CRYBA4: variants seen among roughly 807,000 people sequenced by gnomAD.
CRYBA4 encodes crystallin beta A4, also known as beta-crystallin A4.
In CRYBA4, 30 loss-of-function variants were observed where a neutral mutation model predicts 31.7. The ratio of observed to expected loss-of-function variants is 0.95; its 90% CI spans 0.71 to 1.28. The LOEUF is 1.28. Among genes scored for constraint, CRYBA4 ranks in the 50% most tolerant of loss-of-function variants. The pLI is 0.00. For synonymous variants in CRYBA4, 102 were observed against 102.3 expected, an observed-to-expected ratio of 1.00 and a Z score of 0.02; for missense variants, 225 against 260.7, an observed-to-expected ratio of 0.86 and a Z score of 0.94.
At chr22:26,617,634 C>T (rs1373550948), upstream of CRYBA4, among the ~76,000 whole-genome samples, 1 of 151,964 alleles carries the variant, frequency 6.6e-6, no homozygotes, top group Non-Finnish European at 1.5e-5. Flanking sequence ...CTGTCTTTGC[C>T]TCTCTATCTG....
chr22:26,607,032 T>C, the CRYBA4 span, among the ~76,000 whole-genome samples: 5 of 149,262 alleles, frequency 3.3e-5, no homozygotes, highest in African/African-American at 5.0e-5. Flanking sequence ...TTTTTTTTTT[T>C]TTTTTTTTGA....
upstream of CRYBA4, among the ~76,000 whole-genome samples, chr22:26,617,796 C>T (rs369210361): frequency 2.9e-4 from 44 of 152,004 alleles, 1 homozygote; most frequent in East Asian, 3.9e-3. Flanking sequence ...CTATTTCTGT[C>T]TTTTCTCACT....
intron 4 of CRYBA4, among the ~76,000 whole-genome samples, chr22:26,627,412 C>CTTTCT (rs1569211731): frequency 2.5e-5 from 2 of 79,016 alleles, no homozygotes; most frequent in Non-Finnish European, 4.2e-5. Context: ...TTCTTTCTTT[C>CTTTCT]TTTCTTTCTT....
At chr22:26,607,636 C>G in the CRYBA4 span, among the ~76,000 whole-genome samples, 2 of 150,862 alleles carry the variant, frequency 1.3e-5, no homozygotes, top group Non-Finnish European at 2.9e-5. Context: ...AAGGAAGATG[C>G]TGAAGTTTTT....
At chr22:26,599,596 T>C in the CRYBA4 span, 1 of 1,614,138 alleles carries the variant, frequency 6.2e-7, no homozygotes, top group Non-Finnish European at 8.5e-7. Flanking sequence ...GGCTCCCCAC[T>C]CATTCCAGTG....
At chr22:26,607,799 C>T in the CRYBA4 span, 1 of 1,583,252 alleles carries the variant, frequency 6.3e-7, no homozygotes, top group Non-Finnish European at 8.6e-7. Flanking sequence ...TACCCACCAT[C>T]ATCTCCTTCT....
chr22:26,600,004 G>A, the CRYBA4 span, among the ~76,000 whole-genome samples: 3 of 152,206 alleles, frequency 2.0e-5, no homozygotes, highest in East Asian at 3.8e-4. Context: ...CCCATTAAAC[G>A]TGATGATGCA....
rs762544216 is a variant in CRYBA4, at chr22:26,630,497, C to T, written c.*10C>T. On this transcript the variant is annotated 3_prime_UTR_variant, in exon 6 of 6. Coordinates refer to ENST00000354760, the MANE Select transcript of CRYBA4 (RefSeq NM_001886.3). ...CAGGATCCAGCAGTGAACAGGGGTG[C>T]GGCACGGAGGAGCGCATGCGTGCTT... The T allele has an allele frequency of 3.3e-5, 53 of 1,610,958 alleles. No individual in the cohort carries two copies. The highest frequency in any genetic ancestry group is 6.7e-5 in the East Asian group (3 of 44,882).
At chr22:26,598,533 G>A in the CRYBA4 span, among the ~76,000 whole-genome samples, 5 of 151,986 alleles carry the variant, frequency 3.3e-5, no homozygotes, top group Admixed American at 1.3e-4. Context: ...ACAGGCGCAC[G>A]CCACCATGCT....
At chr22:26,622,017 T>G in intron 1 of CRYBA4, 31 bp downstream of exon 1, 1 of 985,420 alleles carries the variant, frequency 1.0e-6, no homozygotes, top group Non-Finnish European at 1.2e-6. Context: ...AGGGGTGGGA[T>G]CAGAGTTCTG....
chr22:26,592,879 A>C, the CRYBA4 span, among the ~76,000 whole-genome samples: 15 of 152,210 alleles, frequency 9.9e-5, no homozygotes, highest in Admixed American at 9.8e-4. Flanking sequence ...TTTGGAAGAC[A>C]GAATTGGCAG....
chr22:26,628,530 T>C lies in CRYBA4; in HGVS notation c.443+100T>C. The C allele has an allele frequency of 2.1e-6, 3 of 1,400,424 alleles. No homozygotes were observed. In the Admixed American group the frequency reaches 5.2e-5, roughly 24 times the overall value. 86.7% of individuals were successfully genotyped at this position (1,400,424 alleles called of 1,614,324 possible). A position where few individuals can be genotyped will look rare whatever the true frequency, so the allele number is the denominator to read the frequency against. ...TGTGCTGGGGACTTTTGTGCTCTGATGCCCACATTCCAGAGGAGAACACTG... is the reference window on the plus strand; with the variant it reads ...TGTGCTGGGGACTTTTGTGCTCTGACGCCCACATTCCAGAGGAGAACACTG... On this transcript the variant is annotated intron_variant, in intron 5 of 5. Transcript: ENST00000354760.
chr22:26,616,181 T>C, the CRYBA4 span: 2 of 1,614,144 alleles, frequency 1.2e-6, no homozygotes, highest in Non-Finnish European at 1.7e-6. Context: ...TTGGCGCTGG[T>C]AATAGGCACG....
the CRYBA4 span, among the ~76,000 whole-genome samples, chr22:26,613,802 G>A: frequency 4.6e-5 from 7 of 152,304 alleles, no homozygotes; most frequent in Non-Finnish European, 8.8e-5. Context: ...AACTCTGACC[G>A]CCAGTGAGCC....
At chr22:26,612,505 G>C in the CRYBA4 span, among the ~76,000 whole-genome samples, 1 of 152,096 alleles carries the variant, frequency 6.6e-6, no homozygotes, top group African/African-American at 2.4e-5. Context: ...GAGATTACAG[G>C]CACCCACCAC....
At chr22:26,627,697 G>T (rs547370774) in intron 4 of CRYBA4, among the ~76,000 whole-genome samples, 2 of 148,928 alleles carry the variant, frequency 1.3e-5, no homozygotes, top group East Asian at 4.0e-4. Flanking sequence ...TGTCCAGGCT[G>T]GAGTGCAATG....
the CRYBA4 span, chr22:26,616,042 T>G: frequency 5.4e-6 from 5 of 923,218 alleles, no homozygotes; most frequent in East Asian, 2.5e-5. Flanking sequence ...TGCGGAGGAG[T>G]AAGAGGTGAA....
At chr22:26,619,533 A>G (rs1929466241), upstream of CRYBA4, among the ~76,000 whole-genome samples, 1 of 152,150 alleles carries the variant, frequency 6.6e-6, no homozygotes. Flanking sequence ...GCATCTGGAT[A>G]GGCTCCTGTC....
At chr22:26,599,248 A>G in the CRYBA4 span, 2 of 549,816 alleles carry the variant, frequency 3.6e-6, no homozygotes, top group Non-Finnish European at 6.5e-6. Flanking sequence ...CTGCCTACAC[A>G]TTTGGTAGAC....
Sources: allele counts gnomAD v4.1 joint callset (sites outside exome capture counted in the v4.1 genomes callset), GRCh38; gene constraint gnomAD v4.1.1; transcripts MANE v1.5; gene names NCBI Gene and HGNC (gene_info 2026-07-23, HGNC 2026-07-21).